Variants in MLLT3 observed in about 807,000 individuals in gnomAD.
MLLT3 encodes the protein protein AF-9.
In MLLT3, 4 loss-of-function variants were observed where a neutral mutation model predicts 53.2. The ratio of observed to expected loss-of-function variants is 0.08; its 90% CI spans 0.04 to 0.17. MLLT3 has a LOEUF of 0.17. Among genes scored for constraint, MLLT3 ranks in the 10% least tolerant of loss-of-function variants. The probability of loss-of-function intolerance (pLI) is 1.00; values close to 1 mark genes in which losing one functional copy is unlikely to be tolerated. For synonymous variants in MLLT3, 283 were observed against 230.6 expected, an observed-to-expected ratio of 1.23 and a Z score of -2.06; for missense variants, 569 against 684.0, an observed-to-expected ratio of 0.83 and a Z score of 1.87.
intron 4 of MLLT3, among the ~76,000 whole-genome samples, chr9:20,430,641 C>CA (rs1410211290): frequency 6.6e-6 from 1 of 151,980 alleles, no homozygotes; most frequent in Non-Finnish European, 1.5e-5. Flanking sequence ...CAATGTTAGA[C>CA]AAAACTTCTA....
intron 2 of MLLT3, among the ~76,000 whole-genome samples, chr9:20,594,010 G>A (rs533607340): frequency 3.4e-5 from 5 of 148,560 alleles, no homozygotes; most frequent in East Asian, 2.0e-4. Flanking sequence ...GTGTGATCTC[G>A]GCTCACTGCA....
At position 20,621,849 on chromosome 9, in the gene MLLT3, C is replaced by T. The variant is rs1344588280; in HGVS notation, c.12+396G>A. 2.4e-5 allele frequency: 34 copies of T among 1,388,656 alleles called. No individual in the cohort carries two copies. Among genetic ancestry groups the T allele is most frequent in the Non-Finnish European group, 3.0e-5 (32 of 1,081,054 alleles). 86.0% of individuals were successfully genotyped at this position (1,388,656 alleles called of 1,614,324 possible). A position where few individuals can be genotyped will look rare whatever the true frequency, so the allele number is the denominator to read the frequency against. On this transcript the variant is annotated intron_variant, in intron 1 of 10. Transcript: ENST00000380338. This position sits in a 1 kb window ranked among gnomAD's most constrained non-coding sequence, Gnocchi z 7.0. Reference sequence around the variant, plus strand: ...CCGCGTCCCCGGACTGTGCCCGCAGCTCCCGGCGGCGGCGGCTGAAATATG... The same window carrying T: ...CCGCGTCCCCGGACTGTGCCCGCAGTTCCCGGCGGCGGCGGCTGAAATATG...
chr9:20,547,518 A>G (rs1818818161), intron 2 of MLLT3, among the ~76,000 whole-genome samples: 2 of 151,702 alleles, frequency 1.3e-5, no homozygotes, highest in African/African-American at 4.8e-5. Flanking sequence ...GGTGGTGGGC[A>G]CTGTAATCCC....
chr9:20,491,004 C>A (rs1038037786), intron 2 of MLLT3, among the ~76,000 whole-genome samples: 58 of 152,144 alleles, frequency 3.8e-4, no homozygotes, highest in African/African-American at 1.3e-3. Context: ...CAGGGAAATA[C>A]TTTCATTTTA....
intron 2 of MLLT3, among the ~76,000 whole-genome samples, chr9:20,460,917 T>C (rs1824090515): frequency 6.6e-6 from 1 of 152,202 alleles, no homozygotes; most frequent in African/African-American, 2.4e-5. Context: ...GAACTGGTCC[T>C]AGTTCTGAGA....
intron 2 of MLLT3, among the ~76,000 whole-genome samples, chr9:20,488,360 T>C (rs546878862): frequency 6.6e-6 from 1 of 152,036 alleles, no homozygotes; most frequent in South Asian, 2.1e-4. Flanking sequence ...AAATGGCAAA[T>C]CTAATGTTAT....
Position 20,621,905 on chromosome 9 carries a change from G to GTA in MLLT3, c.12+339_12+340insTA. Reference sequence around the variant, plus strand: ...GTTATTATTCGCCTCCTTCCACCGTGTGTGTGTGTGTGTGTGAGTGCGCGC... The same window carrying GTA: ...GTTATTATTCGCCTCCTTCCACCGTGTATGTGTGTGTGTGTGTGAGTGCGCGC... On this transcript the variant is annotated intron_variant, in intron 1 of 10. Coordinates refer to ENST00000380338, the MANE Select transcript of MLLT3 (RefSeq NM_004529.4). The surrounding 1 kb of genome is among the most constrained non-coding windows in gnomAD (Gnocchi z 7.0). The GTA allele has an allele frequency of 8.2e-7, 1 of 1,216,862 alleles. No homozygotes were observed. The highest frequency in any genetic ancestry group is 3.9e-5 in the Admixed American group (1 of 25,686). The allele number at this position is 1,216,862 out of a possible 1,614,324, so 75.4% of individuals were successfully genotyped here. A position where few individuals can be genotyped will look rare whatever the true frequency, so the allele number is the denominator to read the frequency against.
chr9:20,621,252 C>G lies in MLLT3; in HGVS notation c.13-418G>C, dbSNP rs1486234468. Among the ~76,000 whole-genome samples the G allele has an allele frequency of 1.3e-5, 2 of 152,304 alleles. No homozygotes were observed. Among genetic ancestry groups the G allele is most frequent in the East Asian group, 3.9e-4 (2 of 5,166 alleles). ...CCCAGGGGGACCGAAGGGCTCCTGG[C>G]GAGCCCCCTCCCCGAAAGTACCGCG... On this transcript the variant is annotated intron_variant, in intron 1 of 10. Transcript: ENST00000380338. This position sits in a 1 kb window ranked among gnomAD's most constrained non-coding sequence, Gnocchi z 7.0.
Position 20,620,848 on chromosome 9 carries a change from G to T in MLLT3, c.13-14C>A. The stretch of plus-strand genomic sequence containing the variant: ...CTGCACGGCACACTGCGGGCAGGGG[G>T]AGGAGAGACAGCCGTGAATAACAGG... On this transcript the variant is annotated splice_polypyrimidine_tract_variant and intron_variant, in intron 1 of 10. Coordinates refer to ENST00000380338, the MANE Select transcript of MLLT3 (RefSeq NM_004529.4). The surrounding 1 kb of genome is among the most constrained non-coding windows in gnomAD (Gnocchi z 6.1). The T allele has an allele frequency of 1.9e-6, 3 of 1,613,996 alleles. No individual in the cohort carries two copies. Among genetic ancestry groups the T allele is most frequent in the Non-Finnish European group, 2.5e-6 (3 of 1,179,970 alleles).
intron 10 of MLLT3, among the ~76,000 whole-genome samples, chr9:20,350,067 A>C (rs1427453654): frequency 6.6e-6 from 1 of 152,204 alleles, no homozygotes; most frequent in African/African-American, 2.4e-5. Context: ...CTTTCCAGGA[A>C]TCCTGATAGT....
intron 2 of MLLT3, among the ~76,000 whole-genome samples, chr9:20,583,650 C>G (rs932963624): frequency 1.3e-5 from 2 of 152,132 alleles, no homozygotes; most frequent in African/African-American, 4.8e-5. Context: ...TGGAAGCTGC[C>G]AAGTCTTGGG....
At chr9:20,611,068 T>C (rs1241518991) in intron 2 of MLLT3, among the ~76,000 whole-genome samples, 1 of 152,142 alleles carries the variant, frequency 6.6e-6, no homozygotes, top group Admixed American at 6.6e-5. Context: ...AGGTCGTAAT[T>C]ATTTAGCTTT....
At chr9:20,525,163 GT>G (rs1317386215) in intron 2 of MLLT3, among the ~76,000 whole-genome samples, 1 of 139,430 alleles carries the variant, frequency 7.2e-6, no homozygotes, top group African/African-American at 2.6e-5. Flanking sequence ...CGTGAAAAAA[GT>G]AGCTAGCTCC....
intron 2 of MLLT3, among the ~76,000 whole-genome samples, chr9:20,603,169 A>G (rs1820476634): frequency 6.6e-6 from 1 of 152,102 alleles, no homozygotes. Flanking sequence ...AGTCTTCTAT[A>G]ATCTTATCCA....
intron 4 of MLLT3, among the ~76,000 whole-genome samples, chr9:20,444,959 C>A (rs1018729520): frequency 6.6e-6 from 1 of 151,364 alleles, no homozygotes; most frequent in African/African-American, 2.4e-5. Flanking sequence ...AATGTGGTGG[C>A]GTGCATCTGT....
At chr9:20,469,510 CATATGAAAGATAGGTTG>C (rs1213710528) in intron 2 of MLLT3, among the ~76,000 whole-genome samples, 4 of 151,994 alleles carry the variant, frequency 2.6e-5, no homozygotes, top group Non-Finnish European at 2.9e-5. Context: ...ACAGCGTGCC[CATATGAAAGATAGGTTG>C]ATGAATAGGT....
At chr9:20,482,893 C>T (rs1054645718) in intron 2 of MLLT3, among the ~76,000 whole-genome samples, 1 of 152,126 alleles carries the variant, frequency 6.6e-6, no homozygotes, top group Admixed American at 6.5e-5. Flanking sequence ...TAACACATTA[C>T]CCGATAACCT....
intron 4 of MLLT3, among the ~76,000 whole-genome samples, chr9:20,414,630 T>C (rs1319811022): frequency 6.6e-6 from 1 of 152,188 alleles, no homozygotes. Flanking sequence ...TATTATCAAA[T>C]AATTTAATGA....
intron 2 of MLLT3, among the ~76,000 whole-genome samples, chr9:20,551,128 G>A (rs1010760781): frequency 1.3e-5 from 2 of 152,164 alleles, no homozygotes; most frequent in Non-Finnish European, 2.9e-5. Context: ...AAATCAAGTA[G>A]GTCAATATGT....
Sources: gnomAD v4.1 joint callset for allele counts (sites outside exome capture counted in the v4.1 genomes callset) on GRCh38, gnomAD v4.1.1 for gene constraint, Gnocchi (gnomAD v3.1) non-coding constraint, MANE v1.5 for transcripts, NCBI Gene and HGNC (gene_info 2026-07-23, HGNC 2026-07-21) for gene names.